ZNF605: variants seen among roughly 807,000 people sequenced by gnomAD.
The protein encoded by ZNF605 is zinc finger protein 605.
ZNF605 carries 9 observed loss-of-function variants against 7.9 expected under a neutral mutation model. The ratio of observed to expected loss-of-function variants is 1.14; its 90% CI spans 0.68 to 1.98. ZNF605 has a LOEUF of 1.98. Among genes scored for constraint, ZNF605 ranks in the 30% most tolerant of loss-of-function variants. The pLI, the probability that ZNF605 is intolerant of heterozygous loss-of-function variation, is 0.00. For synonymous variants in ZNF605, 255 were observed against 260.1 expected (o/e 0.98, Z 0.19); for missense variants, 673 against 762.4 (o/e 0.88, Z 1.38).
chr12:132,954,121 C>T (rs953876885), intron 1 of ZNF605, among the ~76,000 whole-genome samples: 22 of 151,750 alleles, frequency 1.4e-4, no homozygotes, highest in Non-Finnish European at 2.1e-4. Flanking sequence ...ACCATTCCTA[C>T]GTCACACCAT....
At chr12:132,951,872 TACAC>T (rs1362415047) in intron 1 of ZNF605, among the ~76,000 whole-genome samples, 3 of 145,770 alleles carry the variant, frequency 2.1e-5, no homozygotes, top group Non-Finnish European at 3.0e-5. Flanking sequence ...CTCACACTCA[TACAC>T]ACATACACAC....
intron 3 of ZNF605, among the ~76,000 whole-genome samples, chr12:132,942,666 G>A (rs1399908494): frequency 2.0e-5 from 3 of 152,204 alleles, no homozygotes; most frequent in Non-Finnish European, 4.4e-5. Flanking sequence ...AGGGGACCAC[G>A]TGTGCCCTCT....
intron 1 of ZNF605, among the ~76,000 whole-genome samples, chr12:132,950,173 G>A (rs1952542352): frequency 6.6e-6 from 1 of 152,016 alleles, no homozygotes; most frequent in African/African-American, 2.4e-5. Flanking sequence ...CGGAAGCTTC[G>A]AATTAGTTCG....
Position 132,927,075 on chromosome 12 carries a change from A to G in ZNF605, c.224T>C (p.Phe75Ser). 4.4e-6 allele frequency: 7 copies of G among 1,601,684 alleles called. No homozygotes were observed. The highest frequency in any genetic ancestry group is 5.9e-6 in the Non-Finnish European group (7 of 1,179,680). Residue 75 changes from phenylalanine to serine, a missense_variant, in exon 5 of 5, where the codon TTT becomes TCT. Phe to Ser is a radical substitution (Grantham distance 155). Transcript: ENST00000360187. ...TATGCTTGAATTAAATATTTTTCCAAAAACATCATATTTATGGCCTCTCTC... is the reference window on the plus strand; with the variant it reads ...TATGCTTGAATTAAATATTTTTCCAGAAACATCATATTTATGGCCTCTCTC... Reference protein sequence around the residue: ...SMERGHKYDVFGKIFNSSINI... With the variant: ...SMERGHKYDVSGKIFNSSINI...
At chr12:132,932,667 T>G in intron 4 of ZNF605, 1 of 1,283,410 alleles carries the variant, frequency 7.8e-7, no homozygotes, top group Non-Finnish European at 1.1e-6. Context: ...ATCAAAAACC[T>G]GAGATAAAAT....
intron 4 of ZNF605, among the ~76,000 whole-genome samples, chr12:132,931,677 A>G (rs1952310435): frequency 6.6e-6 from 1 of 152,244 alleles, no homozygotes; most frequent in Non-Finnish European, 1.5e-5. Flanking sequence ...ACTCTTGAGC[A>G]TAGAAAAATA....
chr12:132,950,109 T>C (rs1446967744), intron 1 of ZNF605, among the ~76,000 whole-genome samples: 1 of 151,866 alleles, frequency 6.6e-6, no homozygotes, highest in Non-Finnish European at 1.5e-5. Flanking sequence ...AGAGACCCCA[T>C]AGTTACTGGC....
At chr12:132,935,047 A>G (rs1289888905) in intron 3 of ZNF605, among the ~76,000 whole-genome samples, 1 of 152,176 alleles carries the variant, frequency 6.6e-6, no homozygotes, top group African/African-American at 2.4e-5. Flanking sequence ...GGAATATAAG[A>G]GAGGGAGTGG....
At chr12:132,940,454 G>A (rs1181456301) in intron 3 of ZNF605, among the ~76,000 whole-genome samples, 6 of 152,242 alleles carry the variant, frequency 3.9e-5, no homozygotes, top group Non-Finnish European at 7.3e-5. Flanking sequence ...TCCCCACAAC[G>A]GACGTGGTGT....
intron 1 of ZNF605, among the ~76,000 whole-genome samples, chr12:132,950,772 A>T (rs1952551242): frequency 6.8e-6 from 1 of 146,924 alleles, no homozygotes. Context: ...CGTACATCAC[A>T]GACATGTACA....
chr12:132,926,293 G>C lies in ZNF605; in HGVS notation c.1006C>G (p.Pro336Ala), dbSNP rs1438232675. The C allele has an allele frequency of 2.5e-6, 4 of 1,613,972 alleles. No individual in the cohort carries two copies. Among genetic ancestry groups the C allele is most frequent in the Admixed American group, 1.7e-5 (1 of 59,990 alleles). The stretch of plus-strand genomic sequence containing the variant: ...TTTTGACACTCACCACATCCGTAAG[G>C]TTTCTTCCCTGTGTGGGTCCTCTGA... Reference protein sequence around the residue: ...THQRTHTGKKPYGCGECQKAF... With the variant: ...THQRTHTGKKAYGCGECQKAF... The change falls in exon 5 of 5, where the codon CCT becomes GCT. Residue 336 changes from proline (P) to alanine (A), a missense_variant. By Grantham distance (27) the Pro-to-Ala change is conservative (BLOSUM62 -1). Transcript: ENST00000360187.
At chr12:132,953,315 A>C (rs4758920) in intron 1 of ZNF605, among the ~76,000 whole-genome samples, 149,871 of 152,312 alleles carry the variant, frequency 0.98, 73,755 homozygotes, top group East Asian at 1. Context: ...TCCAACAAAG[A>C]CCCCAGGCGG....
chr12:132,955,087 G>A (rs1952621754), intron 1 of ZNF605, among the ~76,000 whole-genome samples: 1 of 152,160 alleles, frequency 6.6e-6, no homozygotes, highest in African/African-American at 2.4e-5. Context: ...CGGTTCCAAA[G>A]GGTTATTGGA....
At chr12:132,934,040 T>A (rs1362080000) in intron 3 of ZNF605, among the ~76,000 whole-genome samples, 1 of 152,076 alleles carries the variant, frequency 6.6e-6, no homozygotes, top group African/African-American at 2.4e-5. Context: ...GCGGATCACC[T>A]GAGGTCAGGA....
At chr12:132,947,003 C>T (rs1952500511) in intron 2 of ZNF605, among the ~76,000 whole-genome samples, 1 of 71,292 alleles carries the variant, frequency 1.4e-5, no homozygotes, top group Non-Finnish European at 2.6e-5. Context: ...GAGATTCACC[C>T]CCTTGTTTTT....
chr12:132,927,188 A>T (rs948045456), intron 4 of ZNF605, 26 bp from the exon 5 acceptor site: 31 of 1,487,038 alleles, frequency 2.1e-5, no homozygotes, highest in Non-Finnish European at 2.8e-5. Context: ...AATGAACCAT[A>T]CTGTGTAATT....
At chr12:132,955,796 T>C (rs1218035583) in intron 1 of ZNF605, among the ~76,000 whole-genome samples, 6 of 151,984 alleles carry the variant, frequency 3.9e-5, no homozygotes, top group African/African-American at 7.3e-5. Flanking sequence ...AGCAGAGTCC[T>C]AATCGCTGCA....
chr12:132,953,599 G>A (rs1952597522), intron 1 of ZNF605, among the ~76,000 whole-genome samples: 1 of 152,036 alleles, frequency 6.6e-6, no homozygotes, highest in African/African-American at 2.4e-5. Context: ...GCTAATTTTT[G>A]TATTTTTAGT....
intron 3 of ZNF605, among the ~76,000 whole-genome samples, chr12:132,940,463 G>A (rs1008497570): frequency 5.3e-5 from 8 of 152,156 alleles, no homozygotes; most frequent in Admixed American, 2.6e-4. Flanking sequence ...CGGACGTGGT[G>A]TACAGCCAAC....
Sources: allele counts gnomAD v4.1 joint callset (sites outside exome capture counted in the v4.1 genomes callset), GRCh38; gene constraint gnomAD v4.1.1; transcripts MANE v1.5; gene names NCBI Gene and HGNC (gene_info 2026-07-23, HGNC 2026-07-21).